USP53: variants seen among roughly 807,000 people sequenced by gnomAD.
USP53 encodes the protein ubiquitin specific peptidase 53.
USP53 carries 71 observed loss-of-function variants against 94.9 expected under a neutral mutation model. The ratio of observed to expected loss-of-function variants is 0.75; its 90% CI spans 0.62 to 0.91. The LOEUF is 0.91. Among genes scored for constraint, USP53 ranks in the 40% least tolerant of loss-of-function variants. USP53 has a pLI of 0.00. For missense variants in USP53, 1,173 were observed against 1,281.0 expected (o/e 0.92, Z 1.29); for synonymous variants, 375 against 422.7 (o/e 0.89, Z 1.39).
At chr4:119,273,455 A>T (rs1193151606) in intron 16 of USP53, 177 bp from the exon 17 acceptor site, 11 of 465,568 alleles carry the variant, frequency 2.4e-5, no homozygotes, top group Admixed American at 3.7e-5. Flanking sequence ...TGACTTTTAC[A>T]GTCTTTATCT....
At position 119,269,803 on chromosome 4, in the gene USP53, GA is replaced by G; in HGVS notation, c.1403del (p.Lys468ArgfsTer7). 1 of 1,515,794 alleles carries G rather than the reference GA, an allele frequency of 6.6e-7. No homozygotes were observed. The highest frequency in any genetic ancestry group is 2.1e-5 in the Admixed American group (1 of 47,144). The allele number at this position is 1,515,794 out of a possible 1,614,324, so 93.9% of individuals were successfully genotyped here. A position where few individuals can be genotyped will look rare whatever the true frequency, so the allele number is the denominator to read the frequency against. On this transcript the variant is annotated frameshift_variant, in exon 15 of 19. Coordinates refer to ENST00000692078, the MANE Select transcript of USP53 (RefSeq NM_001371395.1). LOFTEE classifies it high-confidence loss of function. ...TTTCTTCACAAAGGAAAGATTTAGAGAAGGGACAAAGAAAAGATTTAGGACG... is the reference window on the plus strand; with the variant it reads ...TTTCTTCACAAAGGAAAGATTTAGAGAGGGACAAAGAAAAGATTTAGGACG... The part of the protein sequence containing the change: ...LLSSQRKDLE[K>X]GQRKDLGRHR...
rs377294522 is a variant in USP53, at chr4:119,259,968, A to T, written c.675+43A>T. ...AATATTAGTATGCTTCTTGTTTTGT[A>T]GATTTGAAAATAGGCATTCAGATAT... On this transcript the variant is annotated intron_variant, in intron 10 of 18. Coordinates refer to ENST00000692078, the MANE Select transcript of USP53 (RefSeq NM_001371395.1). 19 of 1,459,870 alleles carry T rather than the reference A, an allele frequency of 1.3e-5. No individual in the cohort carries two copies. In the South Asian group the frequency reaches 2.5e-4, roughly 19 times the overall value. 90.4% of individuals were successfully genotyped at this position (1,459,870 alleles called of 1,614,324 possible). A position where few individuals can be genotyped will look rare whatever the true frequency, so the allele number is the denominator to read the frequency against.
chr4:119,289,704 A>G (rs1420179292), intron 17 of USP53, among the ~76,000 whole-genome samples: 1 of 152,198 alleles, frequency 6.6e-6, no homozygotes, highest in East Asian at 1.9e-4. Flanking sequence ...TGACTTTTCT[A>G]TCAGTATATT....
chr4:119,267,992 C>A (rs1411992753), intron 13 of USP53, among the ~76,000 whole-genome samples: 3 of 151,674 alleles, frequency 2.0e-5, no homozygotes, highest in Non-Finnish European at 2.9e-5. Flanking sequence ...AAGGTGAAAC[C>A]CCGTCTCTAC....
intron 3 of USP53, among the ~76,000 whole-genome samples, chr4:119,224,999 C>G (rs911653274): frequency 6.6e-6 from 1 of 151,954 alleles, no homozygotes; most frequent in Non-Finnish European, 1.5e-5. Flanking sequence ...GAAAAAAAAT[C>G]AGTGAAATGA....
At chr4:119,280,205 T>G (rs62328399) in intron 17 of USP53, among the ~76,000 whole-genome samples, 23,188 of 152,036 alleles carry the variant, frequency 0.15, 2,225 homozygotes, top group Middle Eastern at 0.21. Context: ...TTTTTTGATT[T>G]AGATGATGAA....
intron 3 of USP53, among the ~76,000 whole-genome samples, chr4:119,233,636 G>A (rs573992031): frequency 4.6e-5 from 7 of 151,954 alleles, no homozygotes; most frequent in South Asian, 2.1e-4. Flanking sequence ...TTAACCCATC[G>A]GATTTTTTAT....
intron 12 of USP53, among the ~76,000 whole-genome samples, chr4:119,264,435 G>A (rs115461292): frequency 3.3e-5 from 5 of 152,192 alleles, no homozygotes; most frequent in African/African-American, 4.8e-5. Context: ...ATGACAAACC[G>A]TATACTGAGA....
chr4:119,257,742 A>G (rs975598028), intron 9 of USP53, among the ~76,000 whole-genome samples: 10 of 152,368 alleles, frequency 6.6e-5, no homozygotes, highest in African/African-American at 2.4e-4. Context: ...TTACATTTAC[A>G]GACAAGTGAA....
chr4:119,248,943 C>T, intron 7 of USP53, 61 bp downstream of exon 7: 4 of 1,583,256 alleles, frequency 2.5e-6, no homozygotes, highest in Non-Finnish European at 3.4e-6. Flanking sequence ...TTAGATGGTA[C>T]AAGTGTTGAG....
chr4:119,289,351 C>T (rs773231742), intron 17 of USP53, among the ~76,000 whole-genome samples: 26 of 152,114 alleles, frequency 1.7e-4, no homozygotes, highest in Non-Finnish European at 2.9e-4. Flanking sequence ...AACATTTTTA[C>T]CCATTATTGT....
At chr4:119,273,386 G>T in intron 16 of USP53, 1 of 320,794 alleles carries the variant, frequency 3.1e-6, no homozygotes, top group Non-Finnish European at 5.8e-6. Context: ...TAGGGTAGTA[G>T]AAAGATCAGG....
chr4:119,256,624 C>G, intron 9 of USP53, 101 bp downstream of exon 9: 1 of 1,212,494 alleles, frequency 8.2e-7, no homozygotes, highest in East Asian at 2.4e-5. Context: ...AATTTCCCCT[C>G]TCTGTCTGAG....
At chr4:119,227,710 C>A (rs1745513599) in intron 3 of USP53, among the ~76,000 whole-genome samples, 1 of 152,206 alleles carries the variant, frequency 6.6e-6, no homozygotes, top group South Asian at 2.1e-4. Flanking sequence ...GTTAAACATG[C>A]ATTTACAATA....
At chr4:119,283,020 GTTAT>G (rs1237631720) in intron 17 of USP53, among the ~76,000 whole-genome samples, 2 of 151,776 alleles carry the variant, frequency 1.3e-5, no homozygotes, top group Admixed American at 6.6e-5. Context: ...TAATGCCACC[GTTAT>G]TTCTTTTTTT....
chr4:119,229,573 G>A (rs183214222), intron 3 of USP53, among the ~76,000 whole-genome samples: 9 of 152,236 alleles, frequency 5.9e-5, no homozygotes, highest in Admixed American at 1.3e-4. Context: ...ATTCACTCTA[G>A]AAACCTGGGA....
intron 3 of USP53, 29 bp from the exon 4 acceptor site, chr4:119,235,259 CAG>C (rs1746578943): frequency 6.6e-6 from 1 of 152,082 alleles, no homozygotes; most frequent in African/African-American, 2.4e-5. Flanking sequence ...GACTGTTACC[CAG>C]AGTTTTTGTT....
rs1203982396 is a variant in USP53, at chr4:119,276,121, AC to A, written c.2251+2414del. On this transcript the variant is annotated intron_variant, in intron 17 of 18. Transcript: ENST00000692078. Reference sequence around the variant, plus strand: ...CTCCTGCCTAATTGTCCTGGCCAGAACTTCCAACACTATGTTGAATAGGAGT... The same window carrying A: ...CTCCTGCCTAATTGTCCTGGCCAGAATTCCAACACTATGTTGAATAGGAGT... 3.0e-4 allele frequency among the ~76,000 whole-genome samples: 30 copies of A among 100,662 alleles called. 1 individual carries two copies. Among genetic ancestry groups the A allele is most frequent in the Middle Eastern group, 4.6e-3 (1 of 218 alleles). The allele number at this position is 100,662 out of a possible 152,430, so 66.0% of individuals were successfully genotyped here.
At chr4:119,257,881 T>C (rs903749445) in intron 9 of USP53, among the ~76,000 whole-genome samples, 2 of 152,224 alleles carry the variant, frequency 1.3e-5, no homozygotes, top group Admixed American at 1.3e-4. Flanking sequence ...ACTAAAATTT[T>C]AATTCTACTT....
Sources: allele counts gnomAD v4.1 joint callset (sites outside exome capture counted in the v4.1 genomes callset), GRCh38; gene constraint gnomAD v4.1.1; transcripts MANE v1.5; gene names NCBI Gene and HGNC (gene_info 2026-07-23, HGNC 2026-07-21).